Variants in PARD3B observed in about 807,000 individuals in gnomAD.
PARD3B encodes partitioning defective 3 homolog B.
In PARD3B, 103 loss-of-function variants were observed where a neutral mutation model predicts 130.2. The observed-to-expected ratio is 0.79, with a 90% CI of 0.67 to 0.93. PARD3B has a LOEUF of 0.93. PARD3B is among the 40% of genes least tolerant of loss of function. The pLI is 0.00. For synonymous variants in PARD3B, 583 were observed against 553.2 expected (o/e 1.05, Z -0.76); for missense variants, 1,609 against 1,499.2 (o/e 1.07, Z -1.21).
At chr2:204,785,918 C>G (rs934689697) in intron 2 of PARD3B, among the ~76,000 whole-genome samples, 2 of 151,932 alleles carry the variant, frequency 1.3e-5, no homozygotes, top group African/African-American at 2.4e-5. Context: ...TTGAGGCCAG[C>G]CTGGCCAACA....
In PARD3B at chr2:205,155,635, A is replaced by G. The variant is rs145131659; in HGVS notation, c.1435-3087A>G. Among the ~76,000 whole-genome samples the G allele has an allele frequency of 3.2e-4, 48 of 152,280 alleles. No individual in the cohort carries two copies. In the East Asian group the frequency reaches 8.7e-3, roughly 28 times the overall value. Reference sequence around the variant, plus strand: ...TATAGAAAATGTGTCACCTTCCACAATGGTTGAACTAGTTTACAGTCCGAC... The same window carrying G: ...TATAGAAAATGTGTCACCTTCCACAGTGGTTGAACTAGTTTACAGTCCGAC... On this transcript the variant is annotated intron_variant, in intron 10 of 22. Transcript: ENST00000406610.
chr2:204,593,830 C>T (rs2033173949), intron 1 of PARD3B, among the ~76,000 whole-genome samples: 1 of 152,174 alleles, frequency 6.6e-6, no homozygotes, highest in Admixed American at 6.5e-5. Flanking sequence ...TCTTGCTTCT[C>T]CTCTTTTTAT....
intron 22 of PARD3B, among the ~76,000 whole-genome samples, chr2:205,579,451 C>T (rs1430354972): frequency 2.0e-5 from 3 of 152,048 alleles, no homozygotes; most frequent in South Asian, 2.1e-4. Context: ...GTGTCTGTGC[C>T]GACAGGGAAG....
chr2:205,119,711 G>T (rs1309281960), intron 7 of PARD3B, among the ~76,000 whole-genome samples: 5 of 152,054 alleles, frequency 3.3e-5, no homozygotes, highest in African/African-American at 1.2e-4. Context: ...GAACCTGGGG[G>T]ACAGAGGTTG....
chr2:205,267,594 CA>C (rs2040560102), intron 16 of PARD3B, among the ~76,000 whole-genome samples: 1 of 152,090 alleles, frequency 6.6e-6, no homozygotes, highest in Non-Finnish European at 1.5e-5. Context: ...AAAGCAAGCT[CA>C]GAAGCAGAAA....
At chr2:205,099,252 C>T (rs961446258) in intron 4 of PARD3B, among the ~76,000 whole-genome samples, 1 of 152,042 alleles carries the variant, frequency 6.6e-6, no homozygotes, top group Non-Finnish European at 1.5e-5. Flanking sequence ...AATTATAGAG[C>T]GTCCAAAACC....
intron 1 of PARD3B, among the ~76,000 whole-genome samples, chr2:204,611,803 G>C (rs151141397): frequency 1.3e-5 from 2 of 151,920 alleles, no homozygotes; most frequent in East Asian, 3.9e-4. Context: ...TCTAAAAGTT[G>C]TGTAGGGTAT....
At chr2:205,521,002 A>G (rs1019186806) in intron 21 of PARD3B, among the ~76,000 whole-genome samples, 1 of 151,242 alleles carries the variant, frequency 6.6e-6, no homozygotes, top group African/African-American at 2.4e-5. Context: ...AATATAAGAT[A>G]CTAATTATCT....
intron 2 of PARD3B, among the ~76,000 whole-genome samples, chr2:204,811,676 A>C (rs1397834447): frequency 6.6e-6 from 1 of 152,176 alleles, no homozygotes; most frequent in Admixed American, 6.5e-5. Context: ...TTAGCAGCTA[A>C]AGCAGCTCTC....
chr2:204,764,056 G>T (rs142656618), intron 2 of PARD3B, among the ~76,000 whole-genome samples: 5 of 152,280 alleles, frequency 3.3e-5, no homozygotes, highest in Admixed American at 3.3e-4. Flanking sequence ...GAAAATTAAG[G>T]AGTGTGGACA....
chr2:204,601,394 A>C (rs1168011910), intron 1 of PARD3B, among the ~76,000 whole-genome samples: 3 of 152,004 alleles, frequency 2.0e-5, no homozygotes, highest in Non-Finnish European at 4.4e-5. Context: ...TAGGTCTTAC[A>C]TGTTAGATGG....
At chr2:204,937,121 C>A (rs749085226) in intron 2 of PARD3B, among the ~76,000 whole-genome samples, 3 of 152,252 alleles carry the variant, frequency 2.0e-5, no homozygotes, top group Non-Finnish European at 4.4e-5. Flanking sequence ...TAATTGTCTA[C>A]TGGAACCATT....
At chr2:204,982,866 G>T (rs1163869887) in intron 3 of PARD3B, among the ~76,000 whole-genome samples, 6 of 152,188 alleles carry the variant, frequency 3.9e-5, no homozygotes, top group Non-Finnish European at 5.9e-5. Flanking sequence ...AGTATACTCT[G>T]TAGAGCTTGT....
chr2:205,543,456 G>A (rs957945682), intron 21 of PARD3B, among the ~76,000 whole-genome samples: 55 of 152,022 alleles, frequency 3.6e-4, no homozygotes, highest in African/African-American at 1.1e-3. Flanking sequence ...TATTTTACAC[G>A]TCCCATCGCA....
At chr2:205,524,892 G>C (rs2051267464) in intron 21 of PARD3B, among the ~76,000 whole-genome samples, 1 of 152,082 alleles carries the variant, frequency 6.6e-6, no homozygotes, top group African/African-American at 2.4e-5. Context: ...GACTCACACT[G>C]GTGCAAGTTT....
Position 204,827,081 on chromosome 2 carries a change from G to A in PARD3B, c.223-138071G>A, listed in dbSNP as rs17595581. 5.6e-4 allele frequency among the ~76,000 whole-genome samples: 85 copies of A among 152,242 alleles called. No homozygotes were observed. The East Asian group carries it at 0.014, about 25-fold the overall frequency. ...CTTGTTCTACAATGTGAAGCTCATT[G>A]AGTTTTCTAGTGGTTGATCTTATGT... On this transcript the variant is annotated intron_variant, in intron 2 of 22. Coordinates refer to ENST00000406610, the MANE Select transcript of PARD3B (RefSeq NM_001302769.2).
chr2:204,676,406 CAG>C (rs981002235), intron 1 of PARD3B, among the ~76,000 whole-genome samples: 17 of 151,972 alleles, frequency 1.1e-4, no homozygotes, highest in African/African-American at 2.9e-4. Flanking sequence ...TGCACAGTAA[CAG>C]GGGAATCCTG....
intron 2 of PARD3B, among the ~76,000 whole-genome samples, chr2:204,835,979 T>C (rs2044017464): frequency 6.6e-6 from 1 of 152,220 alleles, no homozygotes; most frequent in South Asian, 2.1e-4. Flanking sequence ...GCATCTGTAC[T>C]CCATTTATTG....
intron 2 of PARD3B, among the ~76,000 whole-genome samples, chr2:204,697,482 C>G (rs1005115163): frequency 5.9e-5 from 9 of 152,118 alleles, no homozygotes; most frequent in Non-Finnish European, 1.3e-4. Flanking sequence ...CAATGAAGCA[C>G]ATGCTGCTTT....
Sources: allele counts gnomAD v4.1 joint callset (sites outside exome capture counted in the v4.1 genomes callset), GRCh38; gene constraint gnomAD v4.1.1; transcripts MANE v1.5; gene names NCBI Gene and HGNC (gene_info 2026-07-23, HGNC 2026-07-21).